ANO6: variants seen among roughly 807,000 people sequenced by gnomAD.
The protein encoded by ANO6 is anoctamin 6, also known as anoctamin-6.
ANO6 carries 106 observed loss-of-function variants against 117.5 expected under a neutral mutation model. The observed-to-expected ratio is 0.90, with a 90% CI of 0.77 to 1.06. The LOEUF (loss-of-function observed/expected upper bound fraction) is 1.06, where lower values mean the gene tolerates loss of function less well. Among genes scored for constraint, ANO6 ranks in the 50% least tolerant of loss-of-function variants. The pLI is 0.00. For synonymous variants in ANO6, 367 were observed against 385.1 expected, an observed-to-expected ratio of 0.95 and a Z score of 0.55; for missense variants, 955 against 1,121.1, an observed-to-expected ratio of 0.85 and a Z score of 2.12.
intron 1 of ANO6, among the ~76,000 whole-genome samples, chr12:45,225,195 A>AT (rs1040651834): frequency 6.6e-6 from 1 of 151,992 alleles, no homozygotes; most frequent in Non-Finnish European, 1.5e-5. Flanking sequence ...AAAAAAAAAA[A>AT]AAAAAAACTC....
intron 1 of ANO6, among the ~76,000 whole-genome samples, chr12:45,294,203 G>A (rs1208814580): frequency 2.0e-5 from 3 of 152,148 alleles, no homozygotes; most frequent in African/African-American, 7.2e-5. Context: ...CTTTTGGATT[G>A]GGGAATTGAA....
intron 14 of ANO6, 86 bp downstream of exon 14, chr12:45,403,327 C>G (rs1409933148): frequency 6.5e-7 from 1 of 1,546,138 alleles, no homozygotes; most frequent in African/African-American, 1.4e-5. Context: ...ATTGTAAATT[C>G]CTTAGATTTA....
chr12:45,368,691 A>T (rs1252514824), intron 9 of ANO6, among the ~76,000 whole-genome samples: 1 of 152,164 alleles, frequency 6.6e-6, no homozygotes, highest in Non-Finnish European at 1.5e-5. Context: ...CTTCCCTCCG[A>T]TGATCTTCTC....
At chr12:45,378,204 G>A in intron 10 of ANO6, 91 bp downstream of exon 10, 1 of 1,271,244 alleles carries the variant, frequency 7.9e-7, no homozygotes, top group Non-Finnish European at 1.1e-6. Flanking sequence ...TTAGGATCTT[G>A]TATTGCCCAG....
intron 19 of ANO6, 146 bp from the exon 20 acceptor site, chr12:45,428,959 C>G: frequency 1.1e-6 from 1 of 889,618 alleles, no homozygotes; most frequent in Middle Eastern, 2.2e-4. Context: ...GTTGATTAGA[C>G]ACAATGGCAT....
chr12:45,283,436 A>C (rs1938807084), intron 1 of ANO6, among the ~76,000 whole-genome samples: 1 of 152,160 alleles, frequency 6.6e-6, no homozygotes, highest in Admixed American at 6.5e-5. Context: ...GAGTGGGTAG[A>C]TGGGACAGGA....
At chr12:45,235,574 T>G (rs12822746) in intron 1 of ANO6, among the ~76,000 whole-genome samples, 1 of 152,076 alleles carries the variant, frequency 6.6e-6, no homozygotes, top group African/African-American at 2.4e-5. Flanking sequence ...GCATGACATC[T>G]GAGCAGAACT....
chr12:45,368,386 CA>C (rs1229031143), intron 9 of ANO6, among the ~76,000 whole-genome samples: 1 of 152,146 alleles, frequency 6.6e-6, no homozygotes, highest in Non-Finnish European at 1.5e-5. Flanking sequence ...CAACATATGC[CA>C]AAACTATGCT....
At chr12:45,241,986 C>G (rs1413565961) in intron 1 of ANO6, among the ~76,000 whole-genome samples, 1 of 152,186 alleles carries the variant, frequency 6.6e-6, no homozygotes, top group Admixed American at 6.5e-5. Context: ...TCTGTCTGCC[C>G]CTACTGGAAA....
At chr12:45,375,264 A>C (rs1056018250) in intron 9 of ANO6, among the ~76,000 whole-genome samples, 10 of 152,216 alleles carry the variant, frequency 6.6e-5, no homozygotes, top group African/African-American at 2.4e-4. Context: ...AATATCGTGA[A>C]AATGGCCATA....
intron 7 of ANO6, among the ~76,000 whole-genome samples, chr12:45,352,266 A>G (rs1941298455): frequency 6.6e-6 from 1 of 152,138 alleles, no homozygotes; most frequent in Admixed American, 6.5e-5. Flanking sequence ...TCTGTCACCC[A>G]GCTCCAAAAA....
At chr12:45,352,171 A>G (rs987621362) in intron 7 of ANO6, among the ~76,000 whole-genome samples, 1 of 152,166 alleles carries the variant, frequency 6.6e-6, no homozygotes, top group Non-Finnish European at 1.5e-5. Context: ...AGTTTTAAAC[A>G]AATGAATGTT....
intron 1 of ANO6, among the ~76,000 whole-genome samples, chr12:45,279,769 G>T (rs1169301768): frequency 6.6e-6 from 1 of 152,206 alleles, no homozygotes; most frequent in East Asian, 1.9e-4. Context: ...TTTACGCATA[G>T]ATTTATTTCC....
chr12:45,255,818 G>GGTTTTTTTTTTT (rs749001458), intron 1 of ANO6, among the ~76,000 whole-genome samples: 12 of 81,712 alleles, frequency 1.5e-4, no homozygotes, highest in African/African-American at 5.0e-4. Flanking sequence ...CTCCCTGGGT[G>GGTTTTTTTTTTT]TTTTTTTTTT....
intron 3 of ANO6, among the ~76,000 whole-genome samples, chr12:45,337,240 T>G (rs1212716916): frequency 1.1e-4 from 16 of 152,112 alleles, no homozygotes; most frequent in Non-Finnish European, 2.2e-4. Context: ...GCTCCATTCA[T>G]GATAACTGCC....
At chr12:45,306,033 G>A (rs1400185781) in intron 2 of ANO6, among the ~76,000 whole-genome samples, 1 of 152,096 alleles carries the variant, frequency 6.6e-6, no homozygotes, top group Non-Finnish European at 1.5e-5. Flanking sequence ...CATGAGCTGA[G>A]GGATGGGGTG....
At chr12:45,402,987 G>C (rs1167060899) in intron 13 of ANO6, 85 bp from the exon 14 acceptor site, 3 of 1,272,858 alleles carry the variant, frequency 2.4e-6, no homozygotes, top group Non-Finnish European at 3.4e-6. Flanking sequence ...TGTTTAACGT[G>C]TTAACTCATG....
intron 3 of ANO6, among the ~76,000 whole-genome samples, chr12:45,331,809 A>G (rs1226767528): frequency 6.6e-6 from 1 of 152,114 alleles, no homozygotes; most frequent in Non-Finnish European, 1.5e-5. Context: ...GGTATTGTAC[A>G]TACATTTGCA....
chr12:45,420,938 T>A, intron 17 of ANO6, 133 bp from the exon 18 acceptor site: 4 of 952,032 alleles, frequency 4.2e-6, no homozygotes, highest in Non-Finnish European at 6.6e-6. Context: ...GGCAGGAGAA[T>A]TTTTTGAACC....
Sources: gnomAD v4.1 joint callset for allele counts (sites outside exome capture counted in the v4.1 genomes callset) on GRCh38, gnomAD v4.1.1 for gene constraint, MANE v1.5 for transcripts, NCBI Gene and HGNC (gene_info 2026-07-23, HGNC 2026-07-21) for gene names.